Variants in TBC1D19 observed in about 807,000 individuals in gnomAD.
TBC1D19 encodes TBC1 domain family member 19.
In TBC1D19, 60 loss-of-function variants were observed where a neutral mutation model predicts 89.0. That is an observed-to-expected ratio of 0.67 (90% CI 0.55 to 0.84). The LOEUF (loss-of-function observed/expected upper bound fraction) is 0.84. Ranked by LOEUF, TBC1D19 falls within the 40% of genes least tolerant of loss-of-function variation. TBC1D19 has a pLI of 0.00. For synonymous variants in TBC1D19, 189 were observed against 199.7 expected (o/e 0.95, Z 0.45); for missense variants, 500 against 610.8 (o/e 0.82, Z 1.91).
intron 4 of TBC1D19, among the ~76,000 whole-genome samples, chr4:26,635,824 G>A (rs1743085565): frequency 6.6e-6 from 1 of 151,968 alleles, no homozygotes; most frequent in Non-Finnish European, 1.5e-5. Context: ...ATGGAGGAAG[G>A]GATATTTAAG....
intron 9 of TBC1D19, among the ~76,000 whole-genome samples, chr4:26,668,416 G>A (rs1016582830): frequency 4.6e-5 from 7 of 151,834 alleles, no homozygotes; most frequent in African/African-American, 1.7e-4. Flanking sequence ...AATGTGTTTT[G>A]AGACCCTGCT....
intron 19 of TBC1D19, among the ~76,000 whole-genome samples, chr4:26,751,350 A>G (rs937949614): frequency 2.6e-5 from 4 of 152,226 alleles, no homozygotes; most frequent in Admixed American, 6.5e-5. Context: ...CCAGACTGTC[A>G]AGCTTTCAGC....
Position 26,584,119 on chromosome 4 carries a change from T to C in TBC1D19, c.-75T>C. ...GGTCCCGGAGAAGTGTCACTGGCCC[T>C]GAGTGGGACCCGGTAGCCCGTTCGC... On this transcript the variant is annotated 5_prime_UTR_variant, in exon 1 of 21. Coordinates refer to ENST00000264866, the MANE Select transcript of TBC1D19 (RefSeq NM_018317.4). 1 of 1,466,534 alleles carries C rather than the reference T, an allele frequency of 6.8e-7. No homozygotes were observed. The highest frequency in any genetic ancestry group is 9.4e-7 in the Non-Finnish European group (1 of 1,065,852). 90.8% of individuals were successfully genotyped at this position (1,466,534 alleles called of 1,614,324 possible). A position where few individuals can be genotyped will look rare whatever the true frequency, so the allele number is the denominator to read the frequency against.
chr4:26,584,477 C>T (rs2056085328), intron 1 of TBC1D19, among the ~76,000 whole-genome samples, 185 bp downstream of exon 1: 1 of 152,122 alleles, frequency 6.6e-6, no homozygotes, highest in Non-Finnish European at 1.5e-5. Context: ...AAAAAAACCC[C>T]ACCTCCCTGT....
chr4:26,810,657 C>T, the TBC1D19 span, among the ~76,000 whole-genome samples: 1 of 152,096 alleles, frequency 6.6e-6, no homozygotes, highest in Non-Finnish European at 1.5e-5. Flanking sequence ...ATTCATTAGC[C>T]CACCTCCCAC....
At chr4:26,710,067 CAT>C (rs894465660) in intron 13 of TBC1D19, among the ~76,000 whole-genome samples, 3 of 151,864 alleles carry the variant, frequency 2.0e-5, no homozygotes, top group Non-Finnish European at 4.4e-5. Flanking sequence ...TTTTAGGGCA[CAT>C]GTGCACAATG....
chr4:26,824,047 AT>A, the TBC1D19 span, among the ~76,000 whole-genome samples: 2 of 152,214 alleles, frequency 1.3e-5, no homozygotes, highest in Non-Finnish European at 2.9e-5. Context: ...TGGGTGCATG[AT>A]CCCAAGATGG....
chr4:26,716,812 A>G (rs1716649119), intron 13 of TBC1D19, among the ~76,000 whole-genome samples: 1 of 151,842 alleles, frequency 6.6e-6, no homozygotes, highest in Non-Finnish European at 1.5e-5. Context: ...TTTAAAATTA[A>G]TCTTTTTTTT....
upstream of TBC1D19, among the ~76,000 whole-genome samples, chr4:26,583,246 C>T (rs1739181261): frequency 6.6e-6 from 1 of 152,028 alleles, no homozygotes; most frequent in Admixed American, 6.6e-5. Context: ...GGATGTCATT[C>T]AATAATTTAA....
At chr4:26,597,046 G>T (rs1171340608) in intron 1 of TBC1D19, among the ~76,000 whole-genome samples, 1 of 152,142 alleles carries the variant, frequency 6.6e-6, no homozygotes, top group African/African-American at 2.4e-5. Context: ...TATTGCCATT[G>T]TTGGATTAGA....
chr4:26,698,117 C>T (rs573903134), intron 13 of TBC1D19, among the ~76,000 whole-genome samples: 15 of 152,220 alleles, frequency 9.9e-5, no homozygotes, highest in East Asian at 3.9e-4. Context: ...AAAACCCCAT[C>T]GTCTCAGCCC....
At chr4:26,594,724 C>T (rs974699190) in intron 1 of TBC1D19, among the ~76,000 whole-genome samples, 1 of 152,180 alleles carries the variant, frequency 6.6e-6, no homozygotes, top group Non-Finnish European at 1.5e-5. Flanking sequence ...ACTCTTTGTT[C>T]AGGGCTCAGT....
chr4:26,834,614 G>C, the TBC1D19 span, among the ~76,000 whole-genome samples: 1 of 152,058 alleles, frequency 6.6e-6, no homozygotes, highest in Admixed American at 6.6e-5. Context: ...CAAAGAAGTG[G>C]AGATGGGAGA....
chr4:26,591,848 A>C (rs1389912684), intron 1 of TBC1D19, among the ~76,000 whole-genome samples: 1 of 152,240 alleles, frequency 6.6e-6, no homozygotes, highest in Non-Finnish European at 1.5e-5. Context: ...AATAATAAAT[A>C]GCTTACCAAC....
intron 19 of TBC1D19, among the ~76,000 whole-genome samples, chr4:26,750,086 G>A (rs1352700328): frequency 1.3e-5 from 2 of 152,020 alleles, no homozygotes; most frequent in African/African-American, 2.4e-5. Flanking sequence ...GCCTTACCTC[G>A]TGGCCCATTT....
intron 15 of TBC1D19, among the ~76,000 whole-genome samples, chr4:26,729,327 A>G (rs1341242194): frequency 6.6e-6 from 1 of 152,196 alleles, no homozygotes; most frequent in Non-Finnish European, 1.5e-5. Flanking sequence ...TCATCTCTTC[A>G]TTCTGCAAAG....
At chr4:26,649,075 A>G (rs1744149151) in intron 7 of TBC1D19, among the ~76,000 whole-genome samples, 1 of 151,782 alleles carries the variant, frequency 6.6e-6, no homozygotes. Context: ...CCCTTGTAGT[A>G]TGATTCCTTA....
At chr4:26,602,328 T>C (rs1740663937) in intron 1 of TBC1D19, among the ~76,000 whole-genome samples, 1 of 152,206 alleles carries the variant, frequency 6.6e-6, no homozygotes, top group South Asian at 2.1e-4. Flanking sequence ...GGGGGCTTTA[T>C]TTATTGTGCA....
intron 8 of TBC1D19, among the ~76,000 whole-genome samples, chr4:26,662,670 A>G (rs1321403178): frequency 2.0e-5 from 3 of 152,208 alleles, no homozygotes; most frequent in African/African-American, 7.2e-5. Context: ...AGCAGAGTAT[A>G]TACAGTGTCA....
Sources: gnomAD v4.1 joint callset for allele counts (sites outside exome capture counted in the v4.1 genomes callset) on GRCh38, gnomAD v4.1.1 for gene constraint, MANE v1.5 for transcripts, NCBI Gene and HGNC (gene_info 2026-07-23, HGNC 2026-07-21) for gene names.